The following RAD51C variants were observed in gnomAD, a reference collection of about 807,000 sequenced individuals.
RAD51C encodes the protein RAD51 paralog C.
Under a neutral mutation model 45.0 loss-of-function variants are expected in RAD51C, and 42 were observed. That is an observed-to-expected ratio of 0.93 (90% CI 0.73 to 1.21). The LOEUF is 1.21. RAD51C is among the 50% of genes most tolerant of loss of function. The pLI, the probability that RAD51C is intolerant of heterozygous loss-of-function variation, is 0.00. For missense variants in RAD51C, 474 were observed against 452.2 expected, an observed-to-expected ratio of 1.05 and a Z score of -0.44; for synonymous variants, 172 against 159.8, an observed-to-expected ratio of 1.08 and a Z score of -0.58.
chr17:58,717,782 C>T (rs1259929699), intron 5 of RAD51C, among the ~76,000 whole-genome samples: 3 of 152,118 alleles, frequency 2.0e-5, no homozygotes, highest in Admixed American at 2.0e-4. Context: ...TAAATTCCTG[C>T]TTAGCTTTTT....
intron 4 of RAD51C, among the ~76,000 whole-genome samples, chr17:58,707,939 A>G (rs952052572): frequency 2.6e-5 from 4 of 152,110 alleles, no homozygotes; most frequent in African/African-American, 9.7e-5. Context: ...TTCTTCAAGG[A>G]CACTAATCCT....
intron 6 of RAD51C, among the ~76,000 whole-genome samples, chr17:58,722,314 G>A (rs1209230669): frequency 6.6e-6 from 1 of 152,108 alleles, no homozygotes; most frequent in African/African-American, 2.4e-5. Context: ...CTTTACCTTG[G>A]ATATTGCTAG....
intron 4 of RAD51C, chr17:58,706,521 C>T: frequency 4.3e-6 from 2 of 464,600 alleles, no homozygotes; most frequent in East Asian, 1.4e-4. Flanking sequence ...CCCTACTGCT[C>T]TGTGGGGTGG....
chr17:58,704,535 G>A (rs1396080023), intron 4 of RAD51C, among the ~76,000 whole-genome samples: 1 of 151,556 alleles, frequency 6.6e-6, no homozygotes, highest in Non-Finnish European at 1.5e-5. Flanking sequence ...AATCCTGTTC[G>A]GTCAGTTTAG....
intron 5 of RAD51C, 92 bp downstream of exon 5, chr17:58,710,082 C>A: frequency 7.1e-7 from 1 of 1,406,128 alleles, no homozygotes; most frequent in Non-Finnish European, 1.0e-6. Flanking sequence ...GTTTGCCTGA[C>A]AAATAATATA....
chr17:58,713,316 G>A (rs1404442942), intron 5 of RAD51C, among the ~76,000 whole-genome samples: 1 of 151,634 alleles, frequency 6.6e-6, no homozygotes, highest in Non-Finnish European at 1.5e-5. Context: ...TGTAGCATAG[G>A]TTTTTTTTGT....
intron 7 of RAD51C, among the ~76,000 whole-genome samples, chr17:58,730,559 G>C (rs1406737372): frequency 6.6e-6 from 1 of 152,006 alleles, no homozygotes; most frequent in Non-Finnish European, 1.5e-5. Flanking sequence ...GAACATTTTG[G>C]ATTCTGCTGT....
At position 58,723,925 on chromosome 17, in the gene RAD51C, A is replaced by G. The variant is rs1173151788; in HGVS notation, c.905-115A>G. On this transcript the variant is annotated intron_variant, in intron 6 of 8. Transcript: ENST00000337432. ...TTTTCCAGGTTTTTTGAAAGCAAGT[A>G]TACTTTCGTTATGTTAAATTAATAA... is the stretch of plus-strand genomic sequence containing the variant. 1.7e-5 allele frequency: 16 copies of G among 964,668 alleles called. No individual in the cohort carries two copies. In the Admixed American group the frequency reaches 3.2e-4, roughly 19 times the overall value. 59.8% of individuals were successfully genotyped at this position (964,668 alleles called of 1,614,324 possible).
intron 3 of RAD51C, among the ~76,000 whole-genome samples, chr17:58,701,663 C>T (rs935151569): frequency 6.6e-6 from 1 of 150,738 alleles, no homozygotes; most frequent in Non-Finnish European, 1.5e-5. Context: ...CTCCGTCTCC[C>T]GGGTTCAAGC....
In RAD51C at chr17:58,734,588, GTTTTTTTTTTTTT is replaced by G. The variant is rs34517797; in HGVS notation, c.*377_*389del. 2.0e-5 allele frequency: 2 copies of G among 102,506 alleles called. No homozygotes were observed. The highest frequency in any genetic ancestry group is 3.5e-5 in the Non-Finnish European group (2 of 56,986). The allele number at this position is 102,506 out of a possible 1,614,324, so 6.3% of individuals were successfully genotyped here. A position where few individuals can be genotyped will look rare whatever the true frequency, so the allele number is the denominator to read the frequency against. On this transcript the variant is annotated 3_prime_UTR_variant, in exon 9 of 9. Coordinates refer to ENST00000337432, the MANE Select transcript of RAD51C (RefSeq NM_058216.3). ...AAGAAACATATCATATTCTTATTGTGTTTTTTTTTTTTTTTTTTTTTTTGGAGATGGATTCTCG... is the reference window on the plus strand; with the variant it reads ...AAGAAACATATCATATTCTTATTGTGTTTTTTTTTTGGAGATGGATTCTCG...
intron 8 of RAD51C, chr17:58,732,756 A>G: frequency 1.8e-6 from 1 of 545,324 alleles, no homozygotes; most frequent in Non-Finnish European, 3.3e-6. Flanking sequence ...AGCAGAGGAA[A>G]TACTTATTTT....
chr17:58,694,575 A>C (rs1228357217), intron 1 of RAD51C: 1 of 334,482 alleles, frequency 3.0e-6, no homozygotes, highest in African/African-American at 2.2e-5. Context: ...GTGCAGGTTC[A>C]AGTGATTGTC....
chr17:58,724,560 GTC>G (rs2049046465), intron 7 of RAD51C, among the ~76,000 whole-genome samples: 2 of 151,548 alleles, frequency 1.3e-5, no homozygotes, highest in Non-Finnish European at 2.9e-5. Context: ...ATGAAATTGT[GTC>G]TGTTTTTTTT....
At chr17:58,729,876 T>C (rs1286696203) in intron 7 of RAD51C, among the ~76,000 whole-genome samples, 2 of 152,078 alleles carry the variant, frequency 1.3e-5, no homozygotes, top group African/African-American at 4.8e-5. Flanking sequence ...CGGCCGACTT[T>C]AGGATTCTTA....
chr17:58,694,479 A>ATTT (rs35324884), intron 1 of RAD51C: 8 of 148,184 alleles, frequency 5.4e-5, no homozygotes, highest in South Asian at 3.5e-4. Flanking sequence ...ATTAAGCTGA[A>ATTT]TTTTTTTTTT....
In RAD51C at chr17:58,699,083, T is replaced by C. The variant is rs578198427; in HGVS notation, c.571+2224T>C. Among the ~76,000 whole-genome samples the C allele has an allele frequency of 8.6e-5, 13 of 151,872 alleles. No individual in the cohort carries two copies. In the South Asian group the frequency reaches 2.7e-3, roughly 32 times the overall value. ...GTGCAGTGGCATGATCTCAGCTCAC[T>C]GCAACCTCTGCCTGCTGGGTTCAAG... On this transcript the variant is annotated intron_variant, in intron 3 of 8. Transcript: ENST00000337432.
At chr17:58,695,408 C>G (rs1350408199) in intron 2 of RAD51C, 1 of 1,252,798 alleles carries the variant, frequency 8.0e-7, no homozygotes, top group African/African-American at 1.5e-5. Context: ...GTTTCTTTTG[C>G]AAATTGTACT....
rs576540617 is a variant in RAD51C at position 58,692,892 on chromosome 17, G to C, written c.145+104G>C. ...TTCAGCCCAGTCTCCGTTAGATTCT[G>C]CTTCCTCCCACGTCCATGTTTACAG... On this transcript the variant is annotated intron_variant, in intron 1 of 8. Coordinates refer to ENST00000337432, the MANE Select transcript of RAD51C (RefSeq NM_058216.3). 8.4e-5 allele frequency: 129 copies of C among 1,539,494 alleles called. 1 individual carries two copies. In the South Asian group the frequency reaches 1.2e-3, roughly 14 times the overall value.
chr17:58,709,664 T>C, intron 4 of RAD51C, 195 bp from the exon 5 acceptor site: 1 of 505,922 alleles, frequency 2.0e-6, no homozygotes, highest in South Asian at 2.4e-5. Flanking sequence ...GTTTCTTCAT[T>C]TAGCAAGTAT....
Sources: gnomAD v4.1 joint callset for allele counts (sites outside exome capture counted in the v4.1 genomes callset) on GRCh38, gnomAD v4.1.1 for gene constraint, MANE v1.5 for transcripts, NCBI Gene and HGNC (gene_info 2026-07-23, HGNC 2026-07-21) for gene names.